Variants in GPATCH8 observed in about 807,000 individuals in gnomAD.
GPATCH8 encodes the protein G-patch domain containing 8.
A neutral mutation model predicts 118.3 loss-of-function variants in GPATCH8; 18 were observed. That is an observed-to-expected ratio of 0.15 (90% CI 0.11 to 0.23). GPATCH8 has a LOEUF of 0.23. GPATCH8 is among the 10% of genes least tolerant of loss of function. The pLI is 1.00. For missense variants in GPATCH8, 1,631 were observed against 1,873.8 expected, an observed-to-expected ratio of 0.87 and a Z score of 2.39; for synonymous variants, 659 against 684.7, an observed-to-expected ratio of 0.96 and a Z score of 0.59.
At chr17:44,449,482 C>T (rs908038666) in intron 3 of GPATCH8, among the ~76,000 whole-genome samples, 2 of 151,204 alleles carry the variant, frequency 1.3e-5, no homozygotes, top group East Asian at 1.9e-4. Context: ...GGGTTACAGG[C>T]GTGAGCCCCT....
chr17:44,487,334 T>C (rs1395338088), intron 1 of GPATCH8, among the ~76,000 whole-genome samples: 2 of 152,204 alleles, frequency 1.3e-5, no homozygotes, highest in Admixed American at 6.5e-5. Flanking sequence ...CCTGGCTTGA[T>C]AGCTCATTTC....
chr17:44,440,515 CT>C lies in GPATCH8; in HGVS notation c.194-3971del, dbSNP rs557709871. 1.2e-4 allele frequency among the ~76,000 whole-genome samples: 19 copies of C among 152,286 alleles called. No individual in the cohort carries two copies. The South Asian group carries it at 3.9e-3, about 32-fold the overall frequency. On this transcript the variant is annotated intron_variant, in intron 3 of 7. Transcript: ENST00000591680. Reference sequence around the variant, plus strand: ...CTCCACCTTTCAGGCTCAAGTGATCCTCTTGCTTCAGCCTCCCAAAGCTCTG... The same window carrying C: ...CTCCACCTTTCAGGCTCAAGTGATCCCTTGCTTCAGCCTCCCAAAGCTCTG...
chr17:44,396,973 G>A lies in GPATCH8; in HGVS notation c.*595C>T. The stretch of plus-strand genomic sequence containing the variant: ...GTGCCAAATGTGTGGCTCCGTTGAT[G>A]TGGGAACTGGATGGAATTGCAGCCT... On this transcript the variant is annotated 3_prime_UTR_variant, in exon 8 of 8. Transcript: ENST00000591680. The A allele has an allele frequency of 2.2e-6, 1 of 453,704 alleles. No individual in the cohort carries two copies. Among genetic ancestry groups the A allele is most frequent in the South Asian group, 1.6e-5 (1 of 64,476 alleles). 28.1% of individuals were successfully genotyped at this position (453,704 alleles called of 1,614,324 possible). A position where few individuals can be genotyped will look rare whatever the true frequency, so the allele number is the denominator to read the frequency against.
chr17:44,418,981 C>G (rs1317944481), intron 6 of GPATCH8, among the ~76,000 whole-genome samples: 3 of 152,082 alleles, frequency 2.0e-5, no homozygotes, highest in Non-Finnish European at 2.9e-5. Flanking sequence ...TTTGTGTTAA[C>G]AACTCTTCGT....
At chr17:44,499,948 A>G (rs1969936561) in intron 1 of GPATCH8, among the ~76,000 whole-genome samples, 1 of 152,152 alleles carries the variant, frequency 6.6e-6, no homozygotes, top group Non-Finnish European at 1.5e-5. Context: ...TGTCTAAACT[A>G]AAACAGGTAA....
intron 1 of GPATCH8, among the ~76,000 whole-genome samples, chr17:44,483,176 A>ATATATATAT (rs1421174809): frequency 7.7e-5 from 1 of 12,954 alleles, no homozygotes; most frequent in Non-Finnish European, 1.4e-4. Context: ...AAAAAAAAAA[A>ATATATATAT]ATATATATAT....
intron 7 of GPATCH8, among the ~76,000 whole-genome samples, chr17:44,402,348 A>AG (rs2049058178): frequency 6.6e-6 from 1 of 151,080 alleles, no homozygotes; most frequent in African/African-American, 2.4e-5. Flanking sequence ...AAAAAAAAAA[A>AG]GTAAGACTTA....
At chr17:44,474,661 T>C (rs1212842608) in intron 2 of GPATCH8, 168 bp downstream of exon 2, 1 of 693,550 alleles carries the variant, frequency 1.4e-6, no homozygotes, top group East Asian at 2.7e-5. Context: ...ACATATTAAA[T>C]ATTAGATTAC....
intron 6 of GPATCH8, among the ~76,000 whole-genome samples, chr17:44,421,785 G>A (rs11658173): frequency 0.5 from 75,644 of 150,916 alleles, 20,602 homozygotes; most frequent in Middle Eastern, 0.63. Context: ...GAAGTACAGC[G>A]ACATGATCTT....
chr17:44,488,648 G>A (rs146614105), intron 1 of GPATCH8, among the ~76,000 whole-genome samples: 3,007 of 151,662 alleles, frequency 0.02, 106 homozygotes, highest in African/African-American at 0.069. Flanking sequence ...TGGGATTACA[G>A]GTGTGAGCCA....
chr17:44,467,116 T>C, intron 2 of GPATCH8: 1 of 1,258,078 alleles, frequency 7.9e-7, no homozygotes, highest in Non-Finnish European at 1.0e-6. Context: ...AAAACTGGGC[T>C]GTCAAAAGAA....
chr17:44,475,873 T>G (rs1186348827), intron 1 of GPATCH8, among the ~76,000 whole-genome samples: 1 of 151,634 alleles, frequency 6.6e-6, no homozygotes, highest in East Asian at 1.9e-4. Context: ...AAAAAAAAAT[T>G]TTTTAATTAG....
At chr17:44,500,030 A>G (rs1969945720) in intron 1 of GPATCH8, among the ~76,000 whole-genome samples, 1 of 152,218 alleles carries the variant, frequency 6.6e-6, no homozygotes, top group African/African-American at 2.4e-5. Context: ...GGGAGACCAG[A>G]AAGAGACAGA....
rs569620875 is a variant in GPATCH8 at position 44,399,531 on chromosome 17, T to A, written c.2546A>T (p.His849Leu). 1.2e-6 allele frequency: 2 copies of A among 1,614,112 alleles called. No individual in the cohort carries two copies. The highest frequency in any genetic ancestry group is 2.7e-5 in the African/African-American group (2 of 74,942). Residue 849 changes from histidine (H) to leucine (L), a missense_variant, in exon 8 of 8, where the codon CAT becomes CTT. Transcript: ENST00000591680. Reference sequence around the variant, plus strand: ...GCCAGACCTTGAGCGGCTGCGGGAATGCTCACTGCCTGAATCTTCCTCTTC... The same window carrying A: ...GCCAGACCTTGAGCGGCTGCGGGAAAGCTCACTGCCTGAATCTTCCTCTTC... ...EEEEEDSGSE[H>L]SRSRSRSGRR...
In GPATCH8 at chr17:44,399,632, A is replaced by C. The variant is rs1294671844; in HGVS notation, c.2445T>G (p.Ser815Arg). The C allele has an allele frequency of 1.9e-6, 3 of 1,614,044 alleles. No individual in the cohort carries two copies. The highest frequency in any genetic ancestry group is 2.2e-5 in the South Asian group (2 of 91,088). Residue 815 changes from serine to arginine, a missense_variant, in exon 8 of 8, where the codon AGT becomes AGG. Ser to Arg is a moderately radical substitution (Grantham distance 110). This residue lies in a region of GPATCH8 where 922 missense variants were observed against 879.7 expected (regional missense o/e 1.05). Transcript: ENST00000591680. The part of the protein sequence containing the change: ...SRSSHRSQPS[S>R]GDEDSDDASS... Reference sequence around the variant, plus strand: ...AAGCATCATCACTATCCTCATCTCCACTACTGGGTTGGCTCCGATGGCTAG... The same window carrying C: ...AAGCATCATCACTATCCTCATCTCCCCTACTGGGTTGGCTCCGATGGCTAG...
At chr17:44,458,088 CAAAAAAAA>C (rs368372910) in intron 3 of GPATCH8, among the ~76,000 whole-genome samples, 1 of 91,482 alleles carries the variant, frequency 1.1e-5, no homozygotes, top group African/African-American at 4.2e-5. Context: ...GACTCCATTT[CAAAAAAAA>C]AAAAAAAAAT....
chr17:44,426,357 C>A lies in GPATCH8; in HGVS notation c.349-1865G>T, dbSNP rs142467754. 2.1e-3 allele frequency among the ~76,000 whole-genome samples: 320 copies of A among 152,310 alleles called. 1 individual carries two copies. Among genetic ancestry groups the A allele is most frequent in the Non-Finnish European group, 3.6e-3 (243 of 68,012 alleles). Reference sequence around the variant, plus strand: ...GTGGCTCACGCCTGTAATCCCAGCACTTTGGGAGGCCGAGGCAGGCAGATG... The same window carrying A: ...GTGGCTCACGCCTGTAATCCCAGCAATTTGGGAGGCCGAGGCAGGCAGATG... On this transcript the variant is annotated intron_variant, in intron 5 of 7. Transcript: ENST00000591680.
At chr17:44,429,660 AC>A (rs1242850922) in intron 5 of GPATCH8, among the ~76,000 whole-genome samples, 1 of 149,494 alleles carries the variant, frequency 6.7e-6, no homozygotes, top group Non-Finnish European at 1.5e-5. Flanking sequence ...ACACACACAC[AC>A]ACACACACAC....
At chr17:44,430,010 A>G (rs2050247156) in intron 5 of GPATCH8, among the ~76,000 whole-genome samples, 1 of 152,096 alleles carries the variant, frequency 6.6e-6, no homozygotes, top group Admixed American at 6.5e-5. Flanking sequence ...TGGGCGACAG[A>G]GCAAGACTGT....
Sources: gnomAD v4.1 joint callset for allele counts (sites outside exome capture counted in the v4.1 genomes callset) on GRCh38, gnomAD v4.1.1 for gene constraint, gnomAD v4.1.1 regional missense constraint, MANE v1.5 for transcripts, NCBI Gene and HGNC (gene_info 2026-07-23, HGNC 2026-07-21) for gene names.